Variants in SLCO1B3 observed in about 807,000 individuals in gnomAD.
SLCO1B3 encodes the protein liver-specific organic anion transporter 2.
In SLCO1B3, 72 loss-of-function variants were observed where a neutral mutation model predicts 71.8. The ratio of observed to expected loss-of-function variants is 1.00; its 90% CI spans 0.83 to 1.22. The LOEUF (loss-of-function observed/expected upper bound fraction) is 1.22. SLCO1B3 is among the 50% of genes most tolerant of loss of function. The pLI, the probability that SLCO1B3 is intolerant of heterozygous loss-of-function variation, is 0.00. For synonymous variants in SLCO1B3, 298 were observed against 278.4 expected, an observed-to-expected ratio of 1.07 and a Z score of -0.70; for missense variants, 911 against 819.7, an observed-to-expected ratio of 1.11 and a Z score of -1.36.
At chr12:20,879,698 T>A in intron 11 of SLCO1B3, 67 bp downstream of exon 11, 1 of 1,028,548 alleles carries the variant, frequency 9.7e-7, no homozygotes. Flanking sequence ...TATGTGCAAG[T>A]AAAATAAGGT....
chr12:20,895,080 C>T (rs79994822), intron 13 of SLCO1B3, among the ~76,000 whole-genome samples: 4,882 of 152,202 alleles, frequency 0.032, 235 homozygotes, highest in African/African-American at 0.11. Context: ...GGAAAGACCA[C>T]GATTCAATGA....
At chr12:20,900,727 A>G (rs533202208) in intron 14 of SLCO1B3, among the ~76,000 whole-genome samples, 2 of 152,272 alleles carry the variant, frequency 1.3e-5, no homozygotes, top group East Asian at 3.9e-4. Flanking sequence ...AAAATGCTGA[A>G]TTGTGGGCTC....
At chr12:20,883,062 C>G (rs1008053838) in intron 12 of SLCO1B3, among the ~76,000 whole-genome samples, 1 of 152,122 alleles carries the variant, frequency 6.6e-6, no homozygotes, top group Non-Finnish European at 1.5e-5. Context: ...TGTCCCGTTT[C>G]AAACTATATT....
At chr12:20,875,782 G>A (rs905655678) in intron 9 of SLCO1B3, among the ~76,000 whole-genome samples, 1 of 151,920 alleles carries the variant, frequency 6.6e-6, no homozygotes, top group Admixed American at 6.6e-5. Context: ...AAACTGTGAG[G>A]GTTTAAAGGA....
intron 12 of SLCO1B3, among the ~76,000 whole-genome samples, chr12:20,881,642 A>T (rs1470976131): frequency 1.3e-5 from 2 of 151,518 alleles, no homozygotes; most frequent in Non-Finnish European, 2.9e-5. Flanking sequence ...CAACATATCC[A>T]TTGGAAATTC....
At chr12:20,845,874 A>G (rs1176794301) in intron 3 of SLCO1B3, among the ~76,000 whole-genome samples, 1 of 151,844 alleles carries the variant, frequency 6.6e-6, no homozygotes, top group African/African-American at 2.4e-5. Flanking sequence ...TCTAGTAGTA[A>G]TTGTTTTATG....
intron 4 of SLCO1B3, 108 bp from the exon 5 acceptor site, chr12:20,858,331 A>C: frequency 1.4e-6 from 1 of 729,750 alleles, no homozygotes; most frequent in Admixed American, 2.7e-5. Flanking sequence ...ATGGTCTTTG[A>C]GGGAAGGTAC....
rs748195197 is a variant in SLCO1B3 at position 20,855,143 on chromosome 12, G to GT, written c.203dup (p.Leu68PhefsTer3). 16 of 1,608,482 alleles carry GT rather than the reference G, an allele frequency of 9.9e-6. No homozygotes were observed. Among genetic ancestry groups the GT allele is most frequent in the Middle Eastern group, 1.8e-4 (1 of 5,624 alleles). On this transcript the variant is annotated frameshift_variant, in exon 4 of 16. Coordinates refer to ENST00000381545, the MANE Select transcript of SLCO1B3 (RefSeq NM_019844.4). LOFTEE classifies it high-confidence loss of function. The stretch of plus-strand genomic sequence containing the variant: ...TTTGACATATCCTCTTCTCTTGCTG[G>GT]TTTAATTGATGGAAGCTTTGAAATT...
rs1484493283 is a variant in SLCO1B3 at position 20,872,386 on chromosome 12, ACT to A, written c.728-2847_728-2846del. Among the ~76,000 whole-genome samples, 3 of 151,384 alleles carry A rather than the reference ACT, an allele frequency of 2.0e-5. No individual in the cohort carries two copies. The East Asian group carries it at 6.0e-4, about 30-fold the overall frequency. On this transcript the variant is annotated intron_variant, in intron 8 of 15. Coordinates refer to ENST00000381545, the MANE Select transcript of SLCO1B3 (RefSeq NM_019844.4). ...ATGCTTTCCAAGAGCTTAGTCCTGG[ACT>A]CAGGGACCCCAAAAGCCTTCTTGTT...
intron 3 of SLCO1B3, among the ~76,000 whole-genome samples, chr12:20,850,779 TA>T (rs1435511311): frequency 6.6e-6 from 1 of 152,188 alleles, no homozygotes; most frequent in Non-Finnish European, 1.5e-5. Flanking sequence ...GTTCCTGTGT[TA>T]GTTTGCTTAG....
Position 20,880,996 on chromosome 12 carries a change from C to T in SLCO1B3, c.1473C>T (p.Ser491=). 6.2e-7 allele frequency: 1 copy of T among 1,610,110 alleles called. No individual in the cohort carries two copies. Among genetic ancestry groups the T allele is most frequent in the Non-Finnish European group, 8.5e-7 (1 of 1,177,936 alleles). ...YLSPCLAGCK[S]SSGIKKHTVF... is the part of the protein sequence containing the mutation. Reference sequence around the variant, plus strand: ...CACCTTGTCTAGCAGGATGCAAATCCTCAAGTGGTATTAAAAAGCATACAG... The same window carrying T: ...CACCTTGTCTAGCAGGATGCAAATCTTCAAGTGGTATTAAAAAGCATACAG... Residue 491 remains serine (S), a synonymous_variant, in exon 12 of 16, where the codon TCC becomes TCT. Transcript: ENST00000381545.
At chr12:20,875,514 T>G (rs1865564184) in intron 9 of SLCO1B3, 37 bp downstream of exon 9, 2 of 1,578,940 alleles carry the variant, frequency 1.3e-6, no homozygotes, top group South Asian at 1.2e-5. Context: ...TTGGAATTGT[T>G]AATCTCAATG....
At chr12:20,871,728 T>C (rs2121282283) in intron 8 of SLCO1B3, among the ~76,000 whole-genome samples, 1 of 152,238 alleles carries the variant, frequency 6.6e-6, no homozygotes, top group South Asian at 2.1e-4. Flanking sequence ...GCAAATGTAG[T>C]CTTGCTCTTT....
intron 13 of SLCO1B3, among the ~76,000 whole-genome samples, chr12:20,884,938 C>G (rs1018543516): frequency 6.6e-6 from 1 of 152,042 alleles, no homozygotes; most frequent in Admixed American, 6.6e-5. Context: ...TATAAAATGT[C>G]AATTCAGAAG....
intron 12 of SLCO1B3, 35 bp downstream of exon 12, chr12:20,881,055 A>T (rs779729919): frequency 7.0e-7 from 1 of 1,426,232 alleles, no homozygotes; most frequent in South Asian, 1.3e-5. Context: ...TCCTCTCCTT[A>T]ATCAAAATCA....
intron 3 of SLCO1B3, among the ~76,000 whole-genome samples, chr12:20,853,640 G>T (rs551791764): frequency 6.6e-6 from 1 of 151,792 alleles, no homozygotes; most frequent in Non-Finnish European, 1.5e-5. Context: ...TTAGCTAAAG[G>T]TCTCTCAGTT....
rs560798799 is a variant in SLCO1B3 at position 20,903,965 on chromosome 12, C to T, written c.1865+2498C>T. On this transcript the variant is annotated intron_variant, in intron 15 of 15. Transcript: ENST00000381545. ...AAAAAGTTAGTTACTTCTGGCCAGG[C>T]GCGGTGGCTCATGCCTGTAATCCCA... Among the ~76,000 whole-genome samples the T allele has an allele frequency of 4.6e-5, 7 of 152,214 alleles. No individual in the cohort carries two copies. In the East Asian group the frequency reaches 7.7e-4, roughly 17 times the overall value.
chr12:20,887,918 G>A (rs944893436), intron 13 of SLCO1B3, among the ~76,000 whole-genome samples: 4 of 151,674 alleles, frequency 2.6e-5, no homozygotes, highest in African/African-American at 9.7e-5. Flanking sequence ...GAGAGATACG[G>A]GTTCAATTTT....
At chr12:20,823,121 T>C (rs187816534) in intron 3 of SLCO1B3, among the ~76,000 whole-genome samples, 89 of 152,244 alleles carry the variant, frequency 5.8e-4, no homozygotes, top group African/African-American at 2.1e-3. Context: ...GAAGGAACAA[T>C]CCTGGAAAAC....
Sources: gnomAD v4.1 joint callset for allele counts (sites outside exome capture counted in the v4.1 genomes callset) on GRCh38, gnomAD v4.1.1 for gene constraint, MANE v1.5 for transcripts, NCBI Gene and HGNC (gene_info 2026-07-23, HGNC 2026-07-21) for gene names.